LGSN: variants seen among roughly 807,000 people sequenced by gnomAD.
LGSN encodes lengsin, lens protein with glutamine synthetase domain, also known as lengsin.
Under a neutral mutation model 19.5 loss-of-function variants are expected in LGSN, and 21 were observed. The observed-to-expected ratio is 1.07, with a 90% CI of 0.76 to 1.55. The LOEUF is 1.55. Among genes scored for constraint, LGSN ranks in the 40% most tolerant of loss-of-function variants. LGSN has a pLI of 0.00. For synonymous variants in LGSN, 257 were observed against 215.6 expected, an observed-to-expected ratio of 1.19 and a Z score of -1.68; for missense variants, 673 against 608.5, an observed-to-expected ratio of 1.11 and a Z score of -1.12.
At chr6:63,308,644 A>T (rs1370718148) in intron 1 of LGSN, among the ~76,000 whole-genome samples, 1 of 151,920 alleles carries the variant, frequency 6.6e-6, no homozygotes, top group Non-Finnish European at 1.5e-5. Context: ...TGACCCCTAT[A>T]TAATAGTTAT....
chr6:63,459,490 A>G, the LGSN span, among the ~76,000 whole-genome samples: 2 of 152,146 alleles, frequency 1.3e-5, no homozygotes, highest in Non-Finnish European at 2.9e-5. Flanking sequence ...CCTGCCCTCA[A>G]GCAATCCTCC....
the LGSN span, among the ~76,000 whole-genome samples, chr6:63,326,844 C>A: frequency 1.3e-5 from 2 of 152,194 alleles, no homozygotes; most frequent in African/African-American, 4.8e-5. Context: ...CCCTCCACAC[C>A]TCCCTGCAAG....
the LGSN span, among the ~76,000 whole-genome samples, chr6:63,507,354 A>G: frequency 6.6e-6 from 1 of 152,232 alleles, no homozygotes; most frequent in South Asian, 2.1e-4. Flanking sequence ...TTGGTGCTAC[A>G]GAGACAGATG....
At chr6:63,353,292 CA>C in the LGSN span, among the ~76,000 whole-genome samples, 1 of 152,044 alleles carries the variant, frequency 6.6e-6, no homozygotes, top group South Asian at 2.1e-4. Context: ...ACCCAACAGG[CA>C]AGAGGCAATA....
chr6:63,468,780 G>A, the LGSN span, among the ~76,000 whole-genome samples: 7 of 151,498 alleles, frequency 4.6e-5, no homozygotes, highest in Admixed American at 1.3e-4. Context: ...ATGGAGTCTC[G>A]CTCTATTGTC....
the LGSN span, among the ~76,000 whole-genome samples, chr6:63,364,707 G>A: frequency 6.7e-6 from 1 of 148,750 alleles, no homozygotes; most frequent in African/African-American, 2.6e-5. Flanking sequence ...CTCAGCAAAT[G>A]TAAAAGAACA....
At chr6:63,456,835 A>G in the LGSN span, among the ~76,000 whole-genome samples, 1 of 152,182 alleles carries the variant, frequency 6.6e-6, no homozygotes, top group Non-Finnish European at 1.5e-5. Flanking sequence ...ATTCTTTGCC[A>G]CTAGATCAGG....
chr6:63,337,573 A>G, the LGSN span, among the ~76,000 whole-genome samples: 1 of 152,040 alleles, frequency 6.6e-6, no homozygotes, highest in Non-Finnish European at 1.5e-5. Context: ...AGGCCAAGGC[A>G]GGTAGATCAC....
the LGSN span, among the ~76,000 whole-genome samples, chr6:63,425,467 C>T: frequency 5.9e-5 from 9 of 152,274 alleles, no homozygotes; most frequent in African/African-American, 1.9e-4. Flanking sequence ...TTCATACATG[C>T]CACAACTTAA....
At chr6:63,428,558 C>T in the LGSN span, among the ~76,000 whole-genome samples, 7 of 152,102 alleles carry the variant, frequency 4.6e-5, no homozygotes, top group African/African-American at 1.4e-4. Flanking sequence ...ACCATGTTGA[C>T]CAGGCTGGTC....
chr6:63,302,521 A>T (rs771915007), intron 1 of LGSN, among the ~76,000 whole-genome samples: 3 of 152,234 alleles, frequency 2.0e-5, no homozygotes, highest in Non-Finnish European at 4.4e-5. Context: ...GCTCTAATGA[A>T]GAAGTTGACC....
the LGSN span, among the ~76,000 whole-genome samples, chr6:63,365,175 T>A: frequency 2.5e-4 from 38 of 151,698 alleles, no homozygotes; most frequent in African/African-American, 9.2e-4. Flanking sequence ...ATCAACAAAA[T>A]TGACAGACCA....
the LGSN span, among the ~76,000 whole-genome samples, chr6:63,359,335 A>T: frequency 2.0e-5 from 3 of 152,224 alleles, no homozygotes; most frequent in Non-Finnish European, 4.4e-5. Context: ...TATCAGGAAG[A>T]TGCTGGCCTC....
the LGSN span, among the ~76,000 whole-genome samples, chr6:63,531,597 T>C: frequency 2.5e-4 from 37 of 149,672 alleles, 3 homozygotes. Flanking sequence ...TCAGGCAATC[T>C]TCCTCTCTCA....
At chr6:63,465,343 G>A in the LGSN span, among the ~76,000 whole-genome samples, 8 of 151,904 alleles carry the variant, frequency 5.3e-5, no homozygotes, top group African/African-American at 1.9e-4. Flanking sequence ...ACCACACCCA[G>A]CTAAATCTTT....
Position 63,285,626 on chromosome 6 carries a change from G to A in LGSN, c.291C>T (p.Gly97=), listed in dbSNP as rs760658811. The A allele has an allele frequency of 1.5e-5, 24 of 1,613,522 alleles. No homozygotes were observed. In the East Asian group the frequency reaches 2.9e-4, roughly 19 times the overall value. Residue 97 remains glycine (G), a synonymous_variant, in exon 3 of 4, where the codon GGC becomes GGT. Transcript: ENST00000370657. ...CAGGGATAGTCTTAGACCTGGACAC[G>A]CCGTGGAGGTCTGTTGCTTCAAATC... ...FVRFEATDLH[G]VSRSKTIPAH... is the part of the protein sequence containing the mutation.
At chr6:63,536,069 G>A in the LGSN span, among the ~76,000 whole-genome samples, 12 of 148,580 alleles carry the variant, frequency 8.1e-5, no homozygotes, top group African/African-American at 3.0e-4. Flanking sequence ...CACCACTCCC[G>A]GTCTGTAATC....
At chr6:63,325,132 T>C in the LGSN span, among the ~76,000 whole-genome samples, 1 of 128,062 alleles carries the variant, frequency 7.8e-6, no homozygotes. Flanking sequence ...AAGGAGAAAA[T>C]TTTCAAATAT....
the LGSN span, among the ~76,000 whole-genome samples, chr6:63,513,910 C>CAA: frequency 0.011 from 114 of 10,490 alleles, 1 homozygote; most frequent in East Asian, 0.029. Flanking sequence ...GACTTCATCT[C>CAA]AAAAAAAAAA....
Sources: gnomAD v4.1 joint callset for allele counts (sites outside exome capture counted in the v4.1 genomes callset) on GRCh38, gnomAD v4.1.1 for gene constraint, MANE v1.5 for transcripts, NCBI Gene and HGNC (gene_info 2026-07-23, HGNC 2026-07-21) for gene names.